Variants in OTOG observed in about 807,000 individuals in gnomAD.
The protein encoded by OTOG is otogelin.
A neutral mutation model predicts 313.8 loss-of-function variants in OTOG; 296 were observed. The ratio of observed to expected loss-of-function variants is 0.94; its 90% CI spans 0.86 to 1.04. The LOEUF is 1.04. Ranked by LOEUF, OTOG falls within the 50% of genes least tolerant of loss-of-function variation. The pLI, the probability that OTOG is intolerant of heterozygous loss-of-function variation, is 0.00. For synonymous variants in OTOG, 1,533 were observed against 1,554.9 expected (o/e 0.99, Z 0.33); for missense variants, 3,948 against 3,840.1 (o/e 1.03, Z -0.74).
At position 17,629,242 on chromosome 11, in the gene OTOG, A is replaced by C. The variant is rs1854056873; in HGVS notation, c.6638A>C (p.Gln2213Pro). The change falls in exon 40 of 56, where the codon CAG becomes CCG. Residue 2213 changes from glutamine to proline, a missense_variant. By Grantham distance (76) the Gln-to-Pro change is moderately conservative. Coordinates refer to ENST00000399397, the MANE Select transcript of OTOG (RefSeq NM_001292063.2). ...MILTPSDIQI[Q>P]WLHSSGLMIV... ...CTGACTCCCTCAGACATCCAGATCC[A>C]GTGGCTCCACAGCTCAGGACTCATG... The C allele has an allele frequency of 6.4e-7, 1 of 1,550,538 alleles. No individual in the cohort carries two copies. The highest frequency in any genetic ancestry group is 8.7e-7 in the Non-Finnish European group (1 of 1,147,012).
intron 53 of OTOG, 138 bp downstream of exon 53, chr11:17,642,384 C>A: frequency 8.4e-7 from 1 of 1,190,832 alleles, no homozygotes; most frequent in Non-Finnish European, 1.1e-6. Context: ...ACCCCAAATC[C>A]ATATGTCTCT....
intron 20 of OTOG, among the ~76,000 whole-genome samples, chr11:17,575,138 G>A (rs1385616689): frequency 6.6e-6 from 1 of 152,222 alleles, no homozygotes; most frequent in African/African-American, 2.4e-5. Context: ...TTCCTCACAA[G>A]ACACAACAAC....
chr11:17,615,206 T>A (rs374227965), intron 39 of OTOG, among the ~76,000 whole-genome samples: 4 of 152,364 alleles, frequency 2.6e-5, no homozygotes, highest in South Asian at 4.1e-4. Flanking sequence ...ATTTTAAAGA[T>A]CATGTTGTTC....
At chr11:17,563,205 G>A (rs1852226581) in intron 15 of OTOG, among the ~76,000 whole-genome samples, 1 of 152,216 alleles carries the variant, frequency 6.6e-6, no homozygotes, top group Non-Finnish European at 1.5e-5. Context: ...GTTGTCCCTG[G>A]GTTGATCATG....
intron 47 of OTOG, among the ~76,000 whole-genome samples, 151 bp downstream of exon 47, chr11:17,635,862 G>T (rs913879517): frequency 6.6e-6 from 1 of 152,226 alleles, no homozygotes; most frequent in Non-Finnish European, 1.5e-5. Flanking sequence ...CAGGACGAGT[G>T]CAGGCCCACC....
Position 17,586,542 on chromosome 11 carries a change from AT to A in OTOG, c.2831del (p.Phe944SerfsTer6). On this transcript the variant is annotated frameshift_variant, in exon 24 of 56. Coordinates refer to ENST00000399397, the MANE Select transcript of OTOG (RefSeq NM_001292063.2). LOFTEE classifies it high-confidence loss of function. ...ECPCTWKGKEYFPGDQVMSPC... is the reference protein window; with the variant it reads ...ECPCTWKGKEXFPGDQVMSPC... ...CCCTGCACTTGGAAGGGGAAGGAGTATTTCCCTGGGGACCAGGTGATGTCTC... is the reference window on the plus strand; with the variant it reads ...CCCTGCACTTGGAAGGGGAAGGAGTATTCCCTGGGGACCAGGTGATGTCTC... 1 of 1,443,868 alleles carries A rather than the reference AT, an allele frequency of 6.9e-7. No individual in the cohort carries two copies. The highest frequency in any genetic ancestry group is 2.6e-5 in the Admixed American group (1 of 37,996). The allele number at this position is 1,443,868 out of a possible 1,614,324, so 89.4% of individuals were successfully genotyped here. A position where few individuals can be genotyped will look rare whatever the true frequency, so the allele number is the denominator to read the frequency against.
rs116295600 is a variant in OTOG at position 17,573,696 on chromosome 11, C to A, written c.2293+406C>A. Among the ~76,000 whole-genome samples, 393 of 152,348 alleles carry A rather than the reference C, an allele frequency of 2.6e-3. 2 individuals carry two copies. The highest frequency in any genetic ancestry group is 9.0e-3 in the African/African-American group (376 of 41,584). The stretch of plus-strand genomic sequence containing the variant: ...TTCAATATCATGAGCCAGCCCCTAC[C>A]CGTCCCTACCCTGACCCTGGGCTAT... On this transcript the variant is annotated intron_variant, in intron 19 of 55. Transcript: ENST00000399397.
rs1225091318 is a variant in OTOG at position 17,642,114 on chromosome 11, C to T, written c.8296-13C>T. 2 of 1,537,210 alleles carry T rather than the reference C, an allele frequency of 1.3e-6. No individual in the cohort carries two copies. Among genetic ancestry groups the T allele is most frequent in the African/African-American group, 1.4e-5 (1 of 72,802 alleles). On this transcript the variant is annotated splice_polypyrimidine_tract_variant and intron_variant, in intron 52 of 55. Coordinates refer to ENST00000399397, the MANE Select transcript of OTOG (RefSeq NM_001292063.2). Reference sequence around the variant, plus strand: ...TGGCCACAGCTCCCATTACCTACTTCTGTGCCCTCCAGCCCGGGGCATCCT... The same window carrying T: ...TGGCCACAGCTCCCATTACCTACTTTTGTGCCCTCCAGCCCGGGGCATCCT...
rs960039335 is a variant in OTOG, at chr11:17,548,152, C to G, written c.156C>G (p.Ser52Arg). 13 of 1,546,760 alleles carry G rather than the reference C, an allele frequency of 8.4e-6. No individual in the cohort carries two copies. Among genetic ancestry groups the G allele is most frequent in the Admixed American group, 2.0e-5 (1 of 50,836 alleles). Reference protein sequence around the residue: ...EPQPEPAGQPSSSHQEATLAM... With the variant: ...EPQPEPAGQPRSSHQEATLAM... The stretch of plus-strand genomic sequence containing the variant: ...CATGCCAGACTCGTGTTTCCTCCAG[C>G]AGCAGCCACCAGGAGGCGACCCTTG... The change falls in exon 3 of 56, where the codon AGC becomes AGG. Residue 52 changes from serine to arginine, a missense_variant and splice_region_variant. By Grantham distance (110) the Ser-to-Arg change is moderately radical. Transcript: ENST00000399397.
rs1055501684 is a variant in OTOG, at chr11:17,559,068, G to A, written c.1120G>A (p.Ala374Thr). Residue 374 changes from alanine to threonine, a missense_variant, in exon 11 of 56, where the codon GCC becomes ACC. Ala to Thr is a moderately conservative substitution (Grantham distance 58). Transcript: ENST00000399397. Reference sequence around the variant, plus strand: ...TCTGCACAGATCAATGGGTGATGTAGCCACCTGGTGCCGGGCACTGGCGGA... The same window carrying A: ...TCTGCACAGATCAATGGGTGATGTAACCACCTGGTGCCGGGCACTGGCGGA... ...SDLCQSMGDV[A>T]TWCRALAEYA... 1.9e-6 allele frequency: 3 copies of A among 1,548,182 alleles called. No homozygotes were observed. The highest frequency in any genetic ancestry group is 1.4e-5 in the African/African-American group (1 of 73,184).
intron 23 of OTOG, among the ~76,000 whole-genome samples, chr11:17,582,935 G>A (rs1358238828): frequency 6.6e-6 from 1 of 151,956 alleles, no homozygotes; most frequent in Admixed American, 6.5e-5. Context: ...ATGCCTTGAA[G>A]TATCTAAAAA....
intron 21 of OTOG, 31 bp from the exon 22 acceptor site, chr11:17,576,837 G>T: frequency 6.5e-7 from 1 of 1,549,462 alleles, no homozygotes; most frequent in East Asian, 2.4e-5. Context: ...TGACTGGGTC[G>T]GCTAACCCCA....
intron 54 of OTOG, among the ~76,000 whole-genome samples, chr11:17,644,005 A>C (rs1171327696): frequency 1.3e-5 from 2 of 152,162 alleles, no homozygotes; most frequent in Non-Finnish European, 2.9e-5. Context: ...ACTGCACTGG[A>C]GGCAGGCAGC....
Position 17,633,969 on chromosome 11 carries a change from G to A in OTOG, c.7267+95G>A, listed in dbSNP as rs1854196935. ...GCTGAGTCCCATCTGCATCCTTTCA[G>A]GTCTGCTTAGGGGTGGCCAGTAAAC... On this transcript the variant is annotated intron_variant, in intron 43 of 55. Coordinates refer to ENST00000399397, the MANE Select transcript of OTOG (RefSeq NM_001292063.2). 5 of 1,478,672 alleles carry A rather than the reference G, an allele frequency of 3.4e-6. No homozygotes were observed. The South Asian group carries it at 4.0e-5, about 12-fold the overall frequency. 91.6% of individuals were successfully genotyped at this position (1,478,672 alleles called of 1,614,324 possible).
intron 24 of OTOG, among the ~76,000 whole-genome samples, chr11:17,590,840 C>T (rs1852914576): frequency 1.3e-5 from 2 of 152,148 alleles, no homozygotes; most frequent in South Asian, 4.1e-4. Flanking sequence ...TTACAGATGC[C>T]CATGGAGTTA....
intron 39 of OTOG, 36 bp from the exon 40 acceptor site, chr11:17,629,097 T>G (rs1854052570): frequency 1.3e-6 from 2 of 1,522,608 alleles, no homozygotes; most frequent in African/African-American, 1.4e-5. Context: ...AATGAATGGA[T>G]GGACAAGCTG....
chr11:17,642,387 ATG>A lies in OTOG; in HGVS notation c.8415+143_8415+144del, dbSNP rs1847995609. On this transcript the variant is annotated intron_variant, in intron 53 of 55. Coordinates refer to ENST00000399397, the MANE Select transcript of OTOG (RefSeq NM_001292063.2). ...GCCTGCACTGCCACCCCAAATCCAT[ATG>A]TCTCTCTGCATTTCTTTTTGCCCTG... 6.0e-6 allele frequency: 7 copies of A among 1,174,716 alleles called. No homozygotes were observed. In the South Asian group the frequency reaches 7.3e-5, roughly 12 times the overall value. The allele number at this position is 1,174,716 out of a possible 1,614,324, so 72.8% of individuals were successfully genotyped here. A position where few individuals can be genotyped will look rare whatever the true frequency, so the allele number is the denominator to read the frequency against.
intron 50 of OTOG, 44 bp downstream of exon 50, chr11:17,640,864 T>C: frequency 6.5e-7 from 1 of 1,549,772 alleles, no homozygotes; most frequent in Non-Finnish European, 8.7e-7. Flanking sequence ...AGGAGGGGCA[T>C]GGGTGCCTGG....
chr11:17,618,312 C>G (rs941257492), intron 39 of OTOG, among the ~76,000 whole-genome samples: 27 of 152,278 alleles, frequency 1.8e-4, no homozygotes, highest in African/African-American at 6.5e-4. Context: ...GTTCAAAATA[C>G]TTTTAAATAT....
Sources: allele counts gnomAD v4.1 joint callset (sites outside exome capture counted in the v4.1 genomes callset), GRCh38; gene constraint gnomAD v4.1.1; transcripts MANE v1.5; gene names NCBI Gene and HGNC (gene_info 2026-07-23, HGNC 2026-07-21).